The following PIGN variants were observed in gnomAD, a reference collection of about 807,000 sequenced individuals.
The protein encoded by PIGN is phosphatidylinositol glycan anchor biosynthesis class N, also known as GPI ethanolamine phosphate transferase 1.
In PIGN, 117 loss-of-function variants were observed where a neutral mutation model predicts 125.4. The observed-to-expected ratio is 0.93, with a 90% CI of 0.80 to 1.09. PIGN has a LOEUF of 1.09. Among genes scored for constraint, PIGN ranks in the 50% least tolerant of loss-of-function variants. The pLI is 0.00. For synonymous variants in PIGN, 392 were observed against 377.8 expected, an observed-to-expected ratio of 1.04 and a Z score of -0.44; for missense variants, 1,075 against 1,094.9, an observed-to-expected ratio of 0.98 and a Z score of 0.26.
intron 27 of PIGN, among the ~76,000 whole-genome samples, chr18:62,083,311 TG>T (rs2033537925): frequency 6.6e-6 from 1 of 152,146 alleles, no homozygotes; most frequent in African/African-American, 2.4e-5. Flanking sequence ...AAATTTATGC[TG>T]GTTGAAAATC....
At chr18:62,112,301 G>A (rs1384885549) in intron 16 of PIGN, among the ~76,000 whole-genome samples, 2 of 151,878 alleles carry the variant, frequency 1.3e-5, no homozygotes, top group African/African-American at 4.8e-5. Flanking sequence ...ATATAAAATT[G>A]GAAAAGTTAC....
chr18:62,180,360 A>G (rs898509903), intron 1 of PIGN, among the ~76,000 whole-genome samples: 7 of 152,226 alleles, frequency 4.6e-5, no homozygotes, highest in East Asian at 1.9e-4. Flanking sequence ...CTATGGACCA[A>G]TAAGATTGAA....
intron 14 of PIGN, among the ~76,000 whole-genome samples, chr18:62,123,940 G>A (rs901465164): frequency 6.6e-6 from 1 of 151,274 alleles, no homozygotes; most frequent in African/African-American, 2.4e-5. Context: ...AAAAAAAAGT[G>A]AGACAAAACT....
At chr18:62,080,319 G>T (rs2033388652) in intron 28 of PIGN, among the ~76,000 whole-genome samples, 1 of 152,140 alleles carries the variant, frequency 6.6e-6, no homozygotes, top group Admixed American at 6.6e-5. Context: ...CTTCTCTCAT[G>T]CTTTGCTGCA....
chr18:62,153,558 TAA>T (rs1299033457), intron 7 of PIGN: 1 of 152,186 alleles, frequency 6.6e-6, no homozygotes, highest in East Asian at 1.9e-4. Context: ...ATTAGCACAT[TAA>T]GTTAAGAAGT....
At chr18:62,167,687 T>G (rs2037200088) in intron 1 of PIGN, among the ~76,000 whole-genome samples, 1 of 139,482 alleles carries the variant, frequency 7.2e-6, no homozygotes, top group African/African-American at 2.5e-5. Context: ...ACACTCTCTC[T>G]CTCTCTCTCT....
Position 62,045,667 on chromosome 18 carries a change from G to A in PIGN, c.*189C>T. 2.2e-6 allele frequency: 1 copy of A among 460,760 alleles called. No individual in the cohort carries two copies. Among genetic ancestry groups the A allele is most frequent in the Non-Finnish European group, 3.7e-6 (1 of 268,652 alleles). The allele number at this position is 460,760 out of a possible 1,614,324, so 28.5% of individuals were successfully genotyped here. A position where few individuals can be genotyped will look rare whatever the true frequency, so the allele number is the denominator to read the frequency against. On this transcript the variant is annotated 3_prime_UTR_variant, in exon 31 of 31. Coordinates refer to ENST00000640252, the MANE Select transcript of PIGN (RefSeq NM_176787.5). Reference sequence around the variant, plus strand: ...CAGATATAATCACTATTTCATGCCTGCAAAACCTAGAAAAAAAAAGAAGCT... The same window carrying A: ...CAGATATAATCACTATTTCATGCCTACAAAACCTAGAAAAAAAAAGAAGCT...
At chr18:62,037,434 C>T (rs1318768198), downstream of PIGN, among the ~76,000 whole-genome samples, 1 of 152,238 alleles carries the variant, frequency 6.6e-6, no homozygotes, top group African/African-American at 2.4e-5. Context: ...CCTCAGTGGG[C>T]ATGGGTGGAA....
At chr18:62,149,628 G>T (rs967327384) in intron 7 of PIGN, among the ~76,000 whole-genome samples, 2 of 152,144 alleles carry the variant, frequency 1.3e-5, no homozygotes, top group Non-Finnish European at 2.9e-5. Context: ...TGGATCTAAG[G>T]CTTTTTGAAA....
intron 1 of PIGN, among the ~76,000 whole-genome samples, chr18:62,175,996 G>A (rs2147901659): frequency 6.6e-6 from 1 of 152,136 alleles, no homozygotes; most frequent in African/African-American, 2.4e-5. Flanking sequence ...AGGCTCTATT[G>A]TCTCAAATTT....
intron 28 of PIGN, among the ~76,000 whole-genome samples, chr18:62,078,139 C>G (rs2033267013): frequency 6.6e-6 from 1 of 152,138 alleles, no homozygotes; most frequent in Non-Finnish European, 1.5e-5. Context: ...CACAAATCAG[C>G]CCCTAACTGG....
intron 30 of PIGN, among the ~76,000 whole-genome samples, chr18:62,053,196 A>C (rs1466924964): frequency 6.6e-6 from 1 of 152,202 alleles, no homozygotes. Flanking sequence ...ATGTAGAAGG[A>C]GGTAAGGTTT....
chr18:62,144,148 A>G (rs1338895928), intron 10 of PIGN, among the ~76,000 whole-genome samples: 1 of 152,244 alleles, frequency 6.6e-6, no homozygotes, highest in Non-Finnish European at 1.5e-5. Flanking sequence ...GAGAAAAAAT[A>G]CATTTCTGAT....
rs74256282 is a variant in PIGN, at chr18:62,091,941, C to T, written c.2181-1363G>A. ...TCAGAAGTTACAAAACAAAACAAAG[C>T]CTTATTTCCTTTTTGAGTCTTTCAA... On this transcript the variant is annotated intron_variant, in intron 23 of 30. Coordinates refer to ENST00000640252, the MANE Select transcript of PIGN (RefSeq NM_176787.5). 4.8e-3 allele frequency among the ~76,000 whole-genome samples: 726 copies of T among 152,288 alleles called. 23 individuals are homozygous for T. Among genetic ancestry groups the T allele is most frequent in the East Asian group, 0.042 (218 of 5,186 alleles).
chr18:62,122,238 T>C (rs1317680365), intron 14 of PIGN, among the ~76,000 whole-genome samples: 1 of 152,190 alleles, frequency 6.6e-6, no homozygotes, highest in Non-Finnish European at 1.5e-5. Context: ...TTTAAGGTAA[T>C]GGACATCCAA....
chr18:62,125,523 T>A (rs1348328002), intron 14 of PIGN, among the ~76,000 whole-genome samples: 1 of 152,010 alleles, frequency 6.6e-6, no homozygotes, highest in Non-Finnish European at 1.5e-5. Context: ...CACATTCACT[T>A]CCTGAAGTTC....
rs371694420 is a variant in PIGN at position 62,174,213 on chromosome 18, C to CA, written c.-235-10558dup. 4.8e-3 allele frequency: 577 copies of CA among 119,566 alleles called. 1 individual carries two copies. Among genetic ancestry groups the CA allele is most frequent in the East Asian group, 5.8e-3 (21 of 3,638 alleles). The allele number at this position is 119,566 out of a possible 1,614,324, so 7.4% of individuals were successfully genotyped here. Reference sequence around the variant, plus strand: ...TGGGCGACAAAGCGAGACTCCAACTCAAAAAAAAAAAAAAACTGATCATTT... The same window carrying CA: ...TGGGCGACAAAGCGAGACTCCAACTCAAAAAAAAAAAAAAAACTGATCATTT... On this transcript the variant is annotated intron_variant, in intron 1 of 30. Transcript: ENST00000640252.
rs1338391855 is a variant in PIGN, at chr18:62,107,081, G to A, written c.1579C>T (p.Gln527Ter). The A allele has an allele frequency of 1.9e-6, 3 of 1,565,982 alleles. No individual in the cohort carries two copies. Among genetic ancestry groups the A allele is most frequent in the Non-Finnish European group, 1.7e-6 (2 of 1,152,036 alleles). ...PIWYAVLREF[Q>*]VIQDLVVSVL... is the part of the protein sequence containing the mutation. ...GATACAACAAGGTCCTGAATAACTTGAAATCTGTTTCAAATAAAAAGACTG... is the reference window on the plus strand; with the variant it reads ...GATACAACAAGGTCCTGAATAACTTAAAATCTGTTTCAAATAAAAAGACTG... The change falls in exon 18 of 31, where the codon CAA (glutamine) becomes TAA (stop). Residue 527 changes from glutamine (Q) to a stop codon, truncating the protein, a stop_gained. Transcript: ENST00000640252. LOFTEE classifies it high-confidence loss of function.
At chr18:62,124,297 C>T (rs2035419082) in intron 14 of PIGN, among the ~76,000 whole-genome samples, 1 of 152,102 alleles carries the variant, frequency 6.6e-6, no homozygotes, top group African/African-American at 2.4e-5. Flanking sequence ...AGAATACTTA[C>T]CAAATTTCAC....
Sources: gnomAD v4.1 joint callset for allele counts (sites outside exome capture counted in the v4.1 genomes callset) on GRCh38, gnomAD v4.1.1 for gene constraint, MANE v1.5 for transcripts, NCBI Gene and HGNC (gene_info 2026-07-23, HGNC 2026-07-21) for gene names.